Variants in SEMA4D observed in about 807,000 individuals in gnomAD.
SEMA4D encodes the protein semaphorin-4D.
In SEMA4D, 22 loss-of-function variants were observed where a neutral mutation model predicts 74.8. The observed-to-expected ratio is 0.29, with a 90% CI of 0.21 to 0.42. SEMA4D has a LOEUF of 0.42. Ranked by LOEUF, SEMA4D falls within the 10% of genes least tolerant of loss-of-function variation. The probability of loss-of-function intolerance (pLI) is 1.00; values close to 1 mark genes in which losing one functional copy is unlikely to be tolerated. For synonymous variants in SEMA4D, 445 were observed against 463.7 expected (o/e 0.96, Z 0.52); for missense variants, 937 against 1,118.4 (o/e 0.84, Z 2.31).
At position 89,444,157 on chromosome 9, in the gene SEMA4D, T is replaced by C. The variant is rs1036600523; in HGVS notation, c.-244+11731A>G. Among the ~76,000 whole-genome samples, 9 of 152,302 alleles carry C rather than the reference T, an allele frequency of 5.9e-5. No individual in the cohort carries two copies. In the East Asian group the frequency reaches 9.6e-4, roughly 16 times the overall value. On this transcript the variant is annotated intron_variant, in intron 2 of 15. Transcript: ENST00000422704. ...TTTTAGAAATTATACCTACCTACCA[T>C]AGACATAATTCTGCGTCCACCTGGT...
chr9:89,399,200 A>G, intron 5 of SEMA4D, 76 bp downstream of exon 5: 2 of 1,273,348 alleles, frequency 1.6e-6, no homozygotes, highest in South Asian at 2.4e-5. Context: ...CACTGCAGGC[A>G]TGCTGGCATT....
In SEMA4D at chr9:89,429,055, A is replaced by T. The variant is rs144516395; in HGVS notation, c.-243-23356T>A. Among the ~76,000 whole-genome samples, 1,103 of 152,228 alleles carry T rather than the reference A, an allele frequency of 7.2e-3. 12 individuals carry two copies. The highest frequency in any genetic ancestry group is 0.025 in the African/African-American group (1,051 of 41,544). On this transcript the variant is annotated intron_variant, in intron 2 of 15. Transcript: ENST00000422704. ...CTGGCCTTGGGTCACAGGCCCACTA[A>T]GCGGTTCGTCCAAGAGTGCGAAGAG...
At chr9:89,449,771 G>A in intron 2 of SEMA4D, 1 of 1,508,964 alleles carries the variant, frequency 6.6e-7, no homozygotes, top group Non-Finnish European at 9.2e-7. Flanking sequence ...AAGAGATGAA[G>A]AAACGTATTG....
chr9:89,407,750 C>T (rs1433330813), intron 2 of SEMA4D, among the ~76,000 whole-genome samples: 1 of 152,370 alleles, frequency 6.6e-6, no homozygotes, highest in East Asian at 1.9e-4. Context: ...ACTCCCTCCA[C>T]TGCACTGTCC....
intron 2 of SEMA4D, among the ~76,000 whole-genome samples, chr9:89,446,847 G>A (rs145673604): frequency 2.0e-3 from 307 of 152,266 alleles, no homozygotes; most frequent in African/African-American, 6.9e-3. Flanking sequence ...CAGGCCTCAG[G>A]CGGGCTCCCT....
rs765819578 is a variant in SEMA4D at position 89,379,180 on chromosome 9, C to T, written c.2113G>A (p.Gly705Ser). 42 of 1,613,864 alleles carry T rather than the reference C, an allele frequency of 2.6e-5. No homozygotes were observed. The highest frequency in any genetic ancestry group is 1.1e-4 in the South Asian group (10 of 91,072). ...ACGATCTTTGGTTCGCAGGATGTGC[C>T]GGTGGGCGCAGGCTTGGGAGGAAGG... ...ITLPPKPAPT[G>S]TSCEPKIVIN... The change falls in exon 16 of 16, where the codon GGC becomes AGC. Residue 705 changes from glycine (G) to serine (S), a missense_variant. Transcript: ENST00000422704.
chr9:89,436,802 G>A (rs1289404038), intron 2 of SEMA4D, among the ~76,000 whole-genome samples: 2 of 152,236 alleles, frequency 1.3e-5, no homozygotes, highest in East Asian at 1.9e-4. Context: ...GCAGCAGGTC[G>A]CCTGGCGAGG....
chr9:89,363,376 G>T lies in SEMA4D; in HGVS notation c.2190+54C>A, dbSNP rs538027641. 6 of 1,598,852 alleles carry T rather than the reference G, an allele frequency of 3.8e-6. No individual in the cohort carries two copies. In the African/African-American group the frequency reaches 8.0e-5, roughly 21 times the overall value. ...TTGAAAGATCCACTGGATGTGGCAG[G>T]TGCCCTGCCCCTGGCTCCAGCCCTC... On this transcript the variant is annotated intron_variant, in intron 18 of 18. Transcript: ENST00000339861.
At chr9:89,439,179 A>C (rs566122997) in intron 2 of SEMA4D, among the ~76,000 whole-genome samples, 1 of 151,644 alleles carries the variant, frequency 6.6e-6, no homozygotes, top group African/African-American at 2.4e-5. Flanking sequence ...ACATGTTTCC[A>C]CCATGTTGGC....
intron 13 of SEMA4D, among the ~76,000 whole-genome samples, chr9:89,383,970 C>T (rs1409051422): frequency 3.9e-5 from 6 of 152,098 alleles, no homozygotes; most frequent in Non-Finnish European, 8.8e-5. Flanking sequence ...CGTCAGACCC[C>T]GAGGGCAGGT....
At chr9:89,460,612 G>A (rs145774923) in intron 1 of SEMA4D, among the ~76,000 whole-genome samples, 255 of 152,330 alleles carry the variant, frequency 1.7e-3, no homozygotes, top group African/African-American at 6.0e-3. Context: ...AGGTTCCACC[G>A]GTTCAGACCC....
chr9:89,427,192 T>C (rs1020214343), intron 2 of SEMA4D, among the ~76,000 whole-genome samples: 3 of 152,170 alleles, frequency 2.0e-5, no homozygotes, highest in African/African-American at 7.2e-5. Flanking sequence ...GGAAATGATA[T>C]TTCTTCTCCT....
chr9:89,381,875 T>C lies in SEMA4D; in HGVS notation c.1447-529A>G, dbSNP rs545670293. Reference sequence around the variant, plus strand: ...GTCTGGATCCAGCAGAGGCCTAACATAACAGGGATGCCAAACGGACGACAT... The same window carrying C: ...GTCTGGATCCAGCAGAGGCCTAACACAACAGGGATGCCAAACGGACGACAT... On this transcript the variant is annotated intron_variant, in intron 13 of 15. Coordinates refer to ENST00000422704, the MANE Select transcript of SEMA4D (RefSeq NM_001371194.2). The surrounding 1 kb of genome is among the most constrained non-coding windows in gnomAD (Gnocchi z 4.6). 1 of 153,148 alleles carries C rather than the reference T, an allele frequency of 6.5e-6. No individual in the cohort carries two copies. Among genetic ancestry groups the C allele is most frequent in the Non-Finnish European group, 1.5e-5 (1 of 68,672 alleles). The allele number at this position is 153,148 out of a possible 1,614,324, so 9.5% of individuals were successfully genotyped here.
At chr9:89,369,943 GGTGT>G (rs1224741839) in intron 16 of SEMA4D, among the ~76,000 whole-genome samples, 1 of 151,852 alleles carries the variant, frequency 6.6e-6, no homozygotes, top group Non-Finnish European at 1.5e-5. Flanking sequence ...GTGTCTATGT[GGTGT>G]GTATGTGCTT....
intron 2 of SEMA4D, among the ~76,000 whole-genome samples, chr9:89,428,506 G>A (rs1013834785): frequency 2.6e-5 from 4 of 152,200 alleles, no homozygotes; most frequent in African/African-American, 9.7e-5. Context: ...CAAATAGCCA[G>A]TCACAGGAAC....
rs574970292 is a variant in SEMA4D at position 89,441,871 on chromosome 9, G to A, written c.-244+14017C>T. ...AAGTCCAGCAACTCCAGGCCCCACC[G>A]TGTGGACAGAGGGCTAGAGGCTGGC... is the stretch of plus-strand genomic sequence containing the variant. On this transcript the variant is annotated intron_variant, in intron 2 of 15. Coordinates refer to ENST00000422704, the MANE Select transcript of SEMA4D (RefSeq NM_001371194.2). Among the ~76,000 whole-genome samples, 7 of 152,312 alleles carry A rather than the reference G, an allele frequency of 4.6e-5. No homozygotes were observed. In the South Asian group the frequency reaches 8.3e-4, roughly 18 times the overall value.
At chr9:89,406,578 G>A (rs1236841284) in intron 2 of SEMA4D, among the ~76,000 whole-genome samples, 1 of 152,204 alleles carries the variant, frequency 6.6e-6, no homozygotes, top group Non-Finnish European at 1.5e-5. Flanking sequence ...CTGGCCCAAG[G>A]GCGTCTAGCA....
At chr9:89,428,293 T>C (rs958187867) in intron 2 of SEMA4D, among the ~76,000 whole-genome samples, 1 of 152,232 alleles carries the variant, frequency 6.6e-6, no homozygotes, top group African/African-American at 2.4e-5. Context: ...AGCTTCCTTC[T>C]GGGCCTCACA....
downstream of SEMA4D, among the ~76,000 whole-genome samples, chr9:89,372,975 G>A (rs1236226427): frequency 2.0e-5 from 3 of 152,120 alleles, no homozygotes; most frequent in Admixed American, 6.5e-5. Flanking sequence ...TGGTGGAGAA[G>A]GGATGAAATG....
Sources: gnomAD v4.1 joint callset for allele counts (sites outside exome capture counted in the v4.1 genomes callset) on GRCh38, gnomAD v4.1.1 for gene constraint, Gnocchi (gnomAD v3.1) non-coding constraint, MANE v1.5 for transcripts, NCBI Gene and HGNC (gene_info 2026-07-23, HGNC 2026-07-21) for gene names.